CLXN: variants seen among roughly 807,000 people sequenced by gnomAD.
CLXN encodes the protein EF-hand calcium binding domain 1.
chr8:48,727,030 T>G, the CLXN span, among the ~76,000 whole-genome samples: 2 of 147,110 alleles, frequency 1.4e-5, no homozygotes, highest in African/African-American at 5.1e-5. Context: ...CATCCATCCA[T>G]CCATTCATCC....
the CLXN span, among the ~76,000 whole-genome samples, chr8:48,725,170 G>C: frequency 6.6e-6 from 1 of 152,166 alleles, no homozygotes; most frequent in Non-Finnish European, 1.5e-5. Flanking sequence ...CCTTGGTTGG[G>C]AACGAGGCAC....
the CLXN span, among the ~76,000 whole-genome samples, chr8:48,731,726 G>A: frequency 6.6e-6 from 1 of 151,862 alleles, no homozygotes; most frequent in African/African-American, 2.4e-5. Context: ...AAAAAAATAC[G>A]ATAGTATTAG....
the CLXN span, chr8:48,730,174 A>G: frequency 3.8e-5 from 12 of 315,566 alleles, no homozygotes; most frequent in South Asian, 1.1e-3. Flanking sequence ...ATTAATTGAG[A>G]GTTAATTAAG....
chr8:48,729,984 T>G, the CLXN span: 1 of 930,024 alleles, frequency 1.1e-6, no homozygotes, highest in Non-Finnish European at 1.6e-6. Flanking sequence ...CAGGTCTTAG[T>G]GCAGCCTGAT....
At chr8:48,729,614 A>T in the CLXN span, 1 of 1,093,062 alleles carries the variant, frequency 9.1e-7, no homozygotes. Flanking sequence ...TATGTGTTTT[A>T]TTTAAGCAAG....
the CLXN span, among the ~76,000 whole-genome samples, chr8:48,726,144 A>G: frequency 7.1e-6 from 1 of 141,532 alleles, no homozygotes; most frequent in Non-Finnish European, 1.5e-5. Flanking sequence ...CCATCCATCC[A>G]TCCATCCATC....
At chr8:48,734,298 A>G in the CLXN span, among the ~76,000 whole-genome samples, 5 of 152,202 alleles carry the variant, frequency 3.3e-5, no homozygotes, top group Non-Finnish European at 7.3e-5. Context: ...TCGACAGGAA[A>G]TTATCTTCCT....
the CLXN span, among the ~76,000 whole-genome samples, chr8:48,713,333 A>G: frequency 6.6e-6 from 1 of 152,258 alleles, no homozygotes; most frequent in South Asian, 2.1e-4. Context: ...TGCAATTCCC[A>G]ATCCTCCCTT....
At chr8:48,730,566 C>T in the CLXN span, 29 of 1,610,200 alleles carry the variant, frequency 1.8e-5, no homozygotes, top group East Asian at 2.2e-5. Context: ...CAAAGATCCT[C>T]GAAGAAACAG....
chr8:48,721,566 T>C, the CLXN span, among the ~76,000 whole-genome samples: 2 of 152,252 alleles, frequency 1.3e-5, no homozygotes, highest in African/African-American at 4.8e-5. Flanking sequence ...TACAGTGCTT[T>C]AGTAATCAAA....
At chr8:48,711,777 G>C in the CLXN span, 1 of 152,224 alleles carries the variant, frequency 6.6e-6, no homozygotes, top group Non-Finnish European at 1.5e-5. Flanking sequence ...ATTAGAACTA[G>C]ATAAGGTCTG....
chr8:48,720,564 C>T, the CLXN span, among the ~76,000 whole-genome samples: 3 of 152,156 alleles, frequency 2.0e-5, no homozygotes, highest in South Asian at 2.1e-4. Context: ...TCTCTGCTCT[C>T]GAACCCCATT....
the CLXN span, among the ~76,000 whole-genome samples, chr8:48,727,991 G>C: frequency 2.0e-5 from 3 of 152,314 alleles, no homozygotes; most frequent in East Asian, 3.9e-4. Context: ...AGGGAAGACT[G>C]GGGGATGGGT....
the CLXN span, chr8:48,735,267 C>A: frequency 6.7e-6 from 8 of 1,189,244 alleles, no homozygotes; most frequent in African/African-American, 1.2e-4. Flanking sequence ...GTCTCAGTTA[C>A]TGATCTCGTG....
At chr8:48,717,206 C>A in the CLXN span, among the ~76,000 whole-genome samples, 3 of 152,164 alleles carry the variant, frequency 2.0e-5, no homozygotes, top group Non-Finnish European at 4.4e-5. Context: ...ATAGGGTCAA[C>A]CCCAAGAAGG....
At chr8:48,719,686 G>A in the CLXN span, among the ~76,000 whole-genome samples, 3 of 152,172 alleles carry the variant, frequency 2.0e-5, no homozygotes, top group Non-Finnish European at 4.4e-5. Flanking sequence ...CTCAACAGAT[G>A]CAGAAATAAA....
chr8:48,722,308 G>C, the CLXN span, among the ~76,000 whole-genome samples: 2 of 152,164 alleles, frequency 1.3e-5, no homozygotes, highest in African/African-American at 4.8e-5. Context: ...GGAGAAAAGA[G>C]AATCCTGTAA....
chr8:48,730,162 G>T, the CLXN span: 1 of 327,226 alleles, frequency 3.1e-6, no homozygotes. Flanking sequence ...GAGTTCATCA[G>T]AATTAATTGA....
the CLXN span, chr8:48,724,606 G>T: frequency 3.3e-6 from 2 of 607,896 alleles, no homozygotes; most frequent in Admixed American, 3.5e-5. Context: ...GATGTTAAAT[G>T]ATATATGTAA....
Sources: allele counts gnomAD v4.1 joint callset (sites outside exome capture counted in the v4.1 genomes callset), GRCh38; gene constraint gnomAD v4.1.1; transcripts MANE v1.5; gene names NCBI Gene and HGNC (gene_info 2026-07-23, HGNC 2026-07-21).